The following UBE3D variants were observed in gnomAD, a reference collection of about 807,000 sequenced individuals.
UBE3D encodes the protein E3 ubiquitin-protein ligase E3D.
In UBE3D, 48 loss-of-function variants were observed where a neutral mutation model predicts 49.6. That is an observed-to-expected ratio of 0.97 (90% CI 0.77 to 1.23). The LOEUF is 1.23. Ranked by LOEUF, UBE3D falls within the 50% of genes most tolerant of loss-of-function variation. The probability of loss-of-function intolerance (pLI) is 0.00; values close to 1 mark genes in which losing one functional copy is unlikely to be tolerated. For synonymous variants in UBE3D, 189 were observed against 174.2 expected, an observed-to-expected ratio of 1.08 and a Z score of -0.67; for missense variants, 452 against 468.4, an observed-to-expected ratio of 0.96 and a Z score of 0.32.
intron 8 of UBE3D, among the ~76,000 whole-genome samples, chr6:82,957,869 T>C (rs1776275600): frequency 6.6e-6 from 1 of 152,228 alleles, no homozygotes. Context: ...TGAAAATGTT[T>C]TTCTGAGCTG....
At chr6:83,011,608 C>T (rs1780339081) in intron 8 of UBE3D, among the ~76,000 whole-genome samples, 1 of 152,154 alleles carries the variant, frequency 6.6e-6, no homozygotes, top group African/African-American at 2.4e-5. Context: ...TCTTGACAGT[C>T]CAGGTCAATC....
intron 8 of UBE3D, among the ~76,000 whole-genome samples, chr6:82,960,943 T>C (rs1217511415): frequency 1.3e-5 from 2 of 152,148 alleles, no homozygotes; most frequent in Non-Finnish European, 2.9e-5. Flanking sequence ...TCATTCTGAA[T>C]TTTTTTAAAA....
chr6:82,945,234 C>T lies in UBE3D; in HGVS notation c.1149+12078G>A, dbSNP rs370569337. 2.1e-3 allele frequency among the ~76,000 whole-genome samples: 315 copies of T among 152,272 alleles called. 2 individuals carry two copies. The highest frequency in any genetic ancestry group is 7.2e-3 in the African/African-American group (298 of 41,560). The stretch of plus-strand genomic sequence containing the variant: ...GGTGGCCACAGGGGCGATTGTGTCA[C>T]CTCAGCCCCAGGTGGCTCAGCACAG... On this transcript the variant is annotated intron_variant, in intron 9 of 9. Transcript: ENST00000369747.
chr6:82,911,578 T>C (rs1304320533), intron 9 of UBE3D, among the ~76,000 whole-genome samples: 1 of 152,208 alleles, frequency 6.6e-6, no homozygotes, highest in African/African-American at 2.4e-5. Context: ...AGCAACCTTT[T>C]AAACTCAGCA....
intron 5 of UBE3D, among the ~76,000 whole-genome samples, chr6:83,029,752 T>C (rs920998237): frequency 1.3e-5 from 2 of 152,222 alleles, no homozygotes; most frequent in African/African-American, 4.8e-5. Context: ...TAGCAGTCAA[T>C]TGACTGGCCT....
At chr6:82,887,573 G>A (rs1381043527), downstream of UBE3D, among the ~76,000 whole-genome samples, 1 of 151,326 alleles carries the variant, frequency 6.6e-6, no homozygotes, top group Non-Finnish European at 1.5e-5. Context: ...GCCGGGCGTG[G>A]TGGTGCACGC....
chr6:83,063,225 C>A, intron 1 of UBE3D: 1 of 234,146 alleles, frequency 4.3e-6, no homozygotes, highest in Non-Finnish European at 8.8e-6. Context: ...CCAGCATGGG[C>A]AATATGGTGA....
intron 8 of UBE3D, among the ~76,000 whole-genome samples, chr6:83,011,218 T>C (rs1780315195): frequency 6.6e-6 from 1 of 152,208 alleles, no homozygotes; most frequent in African/African-American, 2.4e-5. Flanking sequence ...GATATTTTCT[T>C]AGTACAAGTG....
chr6:83,010,028 T>C (rs1209707581), intron 8 of UBE3D, among the ~76,000 whole-genome samples: 2 of 151,792 alleles, frequency 1.3e-5, no homozygotes, highest in Non-Finnish European at 2.9e-5. Context: ...CATCATATCA[T>C]CAGAATCACA....
At chr6:82,941,325 A>G (rs1480048966) in intron 9 of UBE3D, among the ~76,000 whole-genome samples, 1 of 151,462 alleles carries the variant, frequency 6.6e-6, no homozygotes, top group Non-Finnish European at 1.5e-5. Context: ...TATTTTATAT[A>G]TATAATTAGG....
At chr6:82,942,919 A>G (rs1413515353) in intron 9 of UBE3D, among the ~76,000 whole-genome samples, 5 of 152,224 alleles carry the variant, frequency 3.3e-5, no homozygotes, top group Admixed American at 1.3e-4. Context: ...ACCAGACCAC[A>G]GAATGGTAGC....
chr6:82,931,747 T>A (rs999279495), intron 9 of UBE3D, among the ~76,000 whole-genome samples: 1 of 152,248 alleles, frequency 6.6e-6, no homozygotes, highest in Admixed American at 6.5e-5. Context: ...AACTTGCTTT[T>A]AATTTTACAG....
At chr6:82,890,306 C>T (rs145640384), downstream of UBE3D, among the ~76,000 whole-genome samples, 890 of 152,244 alleles carry the variant, frequency 5.8e-3, 6 homozygotes, top group Non-Finnish European at 9.5e-3. Context: ...AGAGCCATTT[C>T]CCTTTTCCCT....
At chr6:82,933,045 C>T (rs1388179718) in intron 9 of UBE3D, among the ~76,000 whole-genome samples, 1 of 152,006 alleles carries the variant, frequency 6.6e-6, no homozygotes, top group Admixed American at 6.6e-5. Context: ...CTTGTTGATT[C>T]CTGCCACCTG....
Position 82,948,842 on chromosome 6 carries a change from A to G in UBE3D, c.1149+8470T>C, listed in dbSNP as rs80201142. ...ACATCACTTCATGATAAAAACCATT[A>G]CAAAACTGGGTATAGAAGGAACATA... On this transcript the variant is annotated intron_variant, in intron 9 of 9. Transcript: ENST00000369747. Among the ~76,000 whole-genome samples the G allele has an allele frequency of 7.9e-5, 12 of 151,808 alleles. No individual in the cohort carries two copies. The East Asian group carries it at 2.1e-3, about 27-fold the overall frequency.
intron 8 of UBE3D, among the ~76,000 whole-genome samples, chr6:82,978,897 G>T (rs1228031534): frequency 6.6e-6 from 1 of 151,972 alleles, no homozygotes; most frequent in Non-Finnish European, 1.5e-5. Context: ...TTTTTAGGAG[G>T]TCATTTCGAC....
At chr6:82,913,927 T>C (rs1772717106) in intron 9 of UBE3D, among the ~76,000 whole-genome samples, 2 of 152,182 alleles carry the variant, frequency 1.3e-5, no homozygotes, top group Admixed American at 1.3e-4. Context: ...AAACAGCATA[T>C]GGTTGGTCAT....
At chr6:82,919,895 A>G (rs947080844) in intron 9 of UBE3D, among the ~76,000 whole-genome samples, 5 of 152,310 alleles carry the variant, frequency 3.3e-5, no homozygotes, top group African/African-American at 9.6e-5. Context: ...TTCGACATCT[A>G]TCCCAATACT....
intron 8 of UBE3D, among the ~76,000 whole-genome samples, chr6:82,959,717 C>CA (rs778278435): frequency 0.023 from 847 of 37,594 alleles, 41 homozygotes; most frequent in African/African-American, 0.027. Context: ...GTGAGACCTC[C>CA]AAAAAAAAAA....
Sources: gnomAD v4.1 joint callset for allele counts (sites outside exome capture counted in the v4.1 genomes callset) on GRCh38, gnomAD v4.1.1 for gene constraint, MANE v1.5 for transcripts, NCBI Gene and HGNC (gene_info 2026-07-23, HGNC 2026-07-21) for gene names.